Variants in PDE1A observed in about 807,000 individuals in gnomAD.
PDE1A encodes the protein phosphodiesterase 1A.
A neutral mutation model predicts 61.7 loss-of-function variants in PDE1A; 35 were observed. That is an observed-to-expected ratio of 0.57 (90% confidence interval 0.43 to 0.75). The LOEUF is 0.75. Among genes scored for constraint, PDE1A ranks in the 30% least tolerant of loss-of-function variants. The pLI, the probability that PDE1A is intolerant of heterozygous loss-of-function variation, is 0.00. For missense variants in PDE1A, 597 were observed against 630.6 expected (o/e 0.95, Z 0.57); for synonymous variants, 232 against 213.2 (o/e 1.09, Z -0.77).
At chr2:182,626,581 G>A in the PDE1A span, among the ~76,000 whole-genome samples, 1 of 148,600 alleles carries the variant, frequency 6.7e-6, no homozygotes, top group Non-Finnish European at 1.5e-5. Context: ...TCATTCTGGA[G>A]AACATTATAT....
At chr2:182,174,185 T>G (rs1282055514) in intron 13 of PDE1A, among the ~76,000 whole-genome samples, 1 of 152,022 alleles carries the variant, frequency 6.6e-6, no homozygotes, top group Non-Finnish European at 1.5e-5. Flanking sequence ...CTGAGCAGCT[T>G]GTTATCTAGC....
intron 8 of PDE1A, among the ~76,000 whole-genome samples, chr2:182,203,018 A>T (rs1046659522): frequency 2.0e-5 from 3 of 152,108 alleles, no homozygotes; most frequent in Non-Finnish European, 2.9e-5. Context: ...TTGCCTTTTT[A>T]AAAAAACTAT....
chr2:182,174,191 C>G (rs1333342697), intron 13 of PDE1A, among the ~76,000 whole-genome samples: 1 of 152,006 alleles, frequency 6.6e-6, no homozygotes, highest in African/African-American at 2.4e-5. Flanking sequence ...AGCTTGTTAT[C>G]TAGCAGTCCT....
the PDE1A span, among the ~76,000 whole-genome samples, chr2:182,652,385 G>A: frequency 2.5e-4 from 38 of 152,024 alleles, no homozygotes; most frequent in African/African-American, 8.4e-4. Flanking sequence ...TCTCTAGATC[G>A]ACCTCCTACG....
intron 2 of PDE1A, among the ~76,000 whole-genome samples, chr2:182,262,871 A>G (rs2125782935): frequency 6.6e-6 from 1 of 152,308 alleles, no homozygotes; most frequent in South Asian, 2.1e-4. Context: ...GGAAAGATGT[A>G]TAAGAAATTT....
intron 2 of PDE1A, among the ~76,000 whole-genome samples, chr2:182,439,747 A>G (rs1165681638): frequency 6.6e-6 from 1 of 152,092 alleles, no homozygotes; most frequent in Non-Finnish European, 1.5e-5. Flanking sequence ...TAGGCACACA[A>G]AACAAGCACT....
At chr2:182,306,618 A>G (rs1445861448) in intron 1 of PDE1A, among the ~76,000 whole-genome samples, 1 of 152,150 alleles carries the variant, frequency 6.6e-6, no homozygotes, top group East Asian at 1.9e-4. Flanking sequence ...AAAAATAGAC[A>G]CATTTGCCAA....
chr2:182,354,762 T>G (rs1699081623), intron 1 of PDE1A, among the ~76,000 whole-genome samples: 1 of 152,126 alleles, frequency 6.6e-6, no homozygotes, highest in South Asian at 2.1e-4. Context: ...TCAGATAACA[T>G]TCAAATATTA....
the PDE1A span, among the ~76,000 whole-genome samples, chr2:182,621,717 G>GT: frequency 6.6e-6 from 1 of 151,836 alleles, no homozygotes; most frequent in South Asian, 2.1e-4. Context: ...AATGTTTATT[G>GT]TTTTTTCTAA....
At chr2:182,456,376 T>C (rs1324078058) in intron 2 of PDE1A, among the ~76,000 whole-genome samples, 1 of 152,092 alleles carries the variant, frequency 6.6e-6, no homozygotes, top group Non-Finnish European at 1.5e-5. Context: ...GACACAAAGA[T>C]CTTTTAAATA....
At chr2:182,562,420 G>A in the PDE1A span, among the ~76,000 whole-genome samples, 3 of 149,836 alleles carry the variant, frequency 2.0e-5, no homozygotes, top group South Asian at 4.4e-4. Flanking sequence ...TGATCATGGT[G>A]GATAAGCTTT....
intron 2 of PDE1A, among the ~76,000 whole-genome samples, chr2:182,262,294 C>T (rs986352958): frequency 8.7e-5 from 13 of 149,224 alleles, no homozygotes; most frequent in African/African-American, 3.2e-4. Flanking sequence ...TTGACATGAT[C>T]TCACTCTGTC....
the PDE1A span, among the ~76,000 whole-genome samples, chr2:182,638,013 GCA>G: frequency 6.6e-6 from 1 of 152,044 alleles, no homozygotes; most frequent in Non-Finnish European, 1.5e-5. Context: ...AAAACTAAAT[GCA>G]ATGTGAAATC....
rs561979619 is a variant in PDE1A at position 182,207,426 on chromosome 2, G to T, written c.777-1361C>A. On this transcript the variant is annotated intron_variant, in intron 7 of 13. Coordinates refer to ENST00000351439, the Ensembl canonical transcript of PDE1A. ...GTGGAATTTTGAACTTGAGAGAGATGATTTAGGGTATCCGGTGAAAGCAAT... is the reference window on the plus strand; with the variant it reads ...GTGGAATTTTGAACTTGAGAGAGATTATTTAGGGTATCCGGTGAAAGCAAT... Among the ~76,000 whole-genome samples, 3 of 152,332 alleles carry T rather than the reference G, an allele frequency of 2.0e-5. No homozygotes were observed. The South Asian group carries it at 6.2e-4, about 32-fold the overall frequency.
chr2:182,400,918 C>G (rs1027802473), intron 1 of PDE1A, among the ~76,000 whole-genome samples: 2 of 152,136 alleles, frequency 1.3e-5, no homozygotes, highest in African/African-American at 4.8e-5. Flanking sequence ...GTCCAGTTAC[C>G]AAACATTAAT....
At chr2:182,152,412 C>CTTTT (rs559392112) in intron 13 of PDE1A, among the ~76,000 whole-genome samples, 29 of 75,264 alleles carry the variant, frequency 3.9e-4, no homozygotes, top group African/African-American at 6.9e-4. Flanking sequence ...TTTTTTTCCT[C>CTTTT]TTTTTTTTTT....
chr2:182,532,945 C>CAAAAAAAAAAAAAAA, the PDE1A span, among the ~76,000 whole-genome samples: 2 of 21,176 alleles, frequency 9.4e-5, no homozygotes, highest in Non-Finnish European at 1.6e-4. Context: ...GACTCCGTCT[C>CAAAAAAAAAAAAAAA]AAAAAAAAAA....
chr2:182,316,680 T>A (rs1040287198), intron 1 of PDE1A, among the ~76,000 whole-genome samples: 1 of 152,220 alleles, frequency 6.6e-6, no homozygotes, highest in African/African-American at 2.4e-5. Flanking sequence ...ATTCTCTTTT[T>A]AAAACTGCAT....
At chr2:182,380,409 G>A (rs1700665486) in intron 1 of PDE1A, among the ~76,000 whole-genome samples, 1 of 152,100 alleles carries the variant, frequency 6.6e-6, no homozygotes, top group Non-Finnish European at 1.5e-5. Flanking sequence ...ACCGCACCCA[G>A]CCCCAGCTCC....
Sources: gnomAD v4.1 joint callset for allele counts (sites outside exome capture counted in the v4.1 genomes callset) on GRCh38, gnomAD v4.1.1 for gene constraint, MANE v1.5 for transcripts, NCBI Gene and HGNC (gene_info 2026-07-23, HGNC 2026-07-21) for gene names.